The following APP variants were observed in gnomAD, a reference collection of about 807,000 sequenced individuals.
The protein encoded by APP is amyloid beta precursor protein, also known as amyloid-beta precursor protein.
A neutral mutation model predicts 101.4 loss-of-function variants in APP; 31 were observed. The observed-to-expected ratio is 0.31, with a 90% CI of 0.23 to 0.41. The LOEUF is 0.41. Among genes scored for constraint, APP ranks in the 10% least tolerant of loss-of-function variants. APP has a pLI of 1.00. For missense variants in APP, 839 were observed against 1,003.7 expected, an observed-to-expected ratio of 0.84 and a Z score of 2.22; for synonymous variants, 366 against 364.4, an observed-to-expected ratio of 1.00 and a Z score of -0.05.
At chr21:25,984,565 A>C (rs1476610012) in intron 8 of APP, among the ~76,000 whole-genome samples, 7 of 152,210 alleles carry the variant, frequency 4.6e-5, no homozygotes, top group Non-Finnish European at 8.8e-5. Flanking sequence ...TTTTTAACTT[A>C]ATCATTAAGT....
At chr21:26,151,479 T>C (rs764981272) in intron 1 of APP, among the ~76,000 whole-genome samples, 4 of 152,134 alleles carry the variant, frequency 2.6e-5, no homozygotes, top group South Asian at 4.1e-4. Context: ...TGTACGTTCA[T>C]TACCTTTTTT....
rs58816061 is a variant in APP at position 26,163,239 on chromosome 21, CAAAAAAAAAAA to C, written c.57+7314_57+7324del. On this transcript the variant is annotated intron_variant, in intron 1 of 17. Coordinates refer to ENST00000346798, the MANE Select transcript of APP (RefSeq NM_000484.4). Reference sequence around the variant, plus strand: ...TGGGTGACACAGTAAAACTCAGTCTCAAAAAAAAAAAAAAAAAAAAAAAAAAAAATCACCAA... The same window carrying C: ...TGGGTGACACAGTAAAACTCAGTCTCAAAAAAAAAAAAAAAAAATCACCAA... 2.2e-4 allele frequency among the ~76,000 whole-genome samples: 13 copies of C among 58,834 alleles called. 1 individual carries two copies. The highest frequency in any genetic ancestry group is 6.3e-4 in the African/African-American group (9 of 14,274). 38.6% of individuals were successfully genotyped at this position (58,834 alleles called of 152,430 possible). A position where few individuals can be genotyped will look rare whatever the true frequency, so the allele number is the denominator to read the frequency against.
At chr21:26,057,769 T>A (rs372520297) in intron 3 of APP, among the ~76,000 whole-genome samples, 5 of 152,212 alleles carry the variant, frequency 3.3e-5, no homozygotes, top group African/African-American at 1.2e-4. Context: ...CAGTTCTCCA[T>A]CCAAGAGTGG....
At chr21:25,923,416 A>C (rs1282551971) in intron 13 of APP, among the ~76,000 whole-genome samples, 1 of 142,528 alleles carries the variant, frequency 7.0e-6, no homozygotes, top group Non-Finnish European at 1.5e-5. Context: ...TGCACAGCAA[A>C]AGAAACTACC....
At chr21:25,955,515 T>C (rs1263166237) in intron 12 of APP, 112 bp downstream of exon 12, 4 of 1,490,306 alleles carry the variant, frequency 2.7e-6, no homozygotes, top group Non-Finnish European at 3.7e-6. Flanking sequence ...GCTCTTGCCA[T>C]AGGGAAAACA....
chr21:26,170,534 TC>T (rs1394577509), intron 1 of APP, 29 bp downstream of exon 1: 7 of 1,534,652 alleles, frequency 4.6e-6, no homozygotes, highest in Non-Finnish European at 2.6e-6. Flanking sequence ...CCGTGCAGCC[TC>T]CCCCCGCCTT....
At chr21:26,010,820 C>CA (rs58036272) in intron 6 of APP, among the ~76,000 whole-genome samples, 11,042 of 54,842 alleles carry the variant, frequency 0.2, 2,117 homozygotes, top group South Asian at 0.24. Flanking sequence ...GACTTCGTCT[C>CA]AAAAAAAAAA....
intron 3 of APP, among the ~76,000 whole-genome samples, chr21:26,081,186 C>T (rs1373378572): frequency 6.6e-6 from 1 of 152,150 alleles, no homozygotes; most frequent in Non-Finnish European, 1.5e-5. Flanking sequence ...ACTAATACTA[C>T]CACCATTAAT....
chr21:26,029,483 T>C (rs779725925), intron 5 of APP, among the ~76,000 whole-genome samples: 2 of 143,372 alleles, frequency 1.4e-5, no homozygotes, highest in Non-Finnish European at 3.0e-5. Flanking sequence ...GAGGCAGAGA[T>C]TCCAGGTGTC....
At chr21:26,120,994 G>A (rs1368739990) in intron 1 of APP, among the ~76,000 whole-genome samples, 2 of 151,986 alleles carry the variant, frequency 1.3e-5, no homozygotes, top group Non-Finnish European at 2.9e-5. Context: ...GTAGGCTCCC[G>A]CCCAGCCCTC....
At chr21:26,033,417 T>C (rs113025457) in intron 5 of APP, among the ~76,000 whole-genome samples, 2,189 of 152,340 alleles carry the variant, frequency 0.014, 47 homozygotes, top group African/African-American at 0.05. Flanking sequence ...CATGCAGAAC[T>C]GTGAGTCAAT....
At chr21:26,140,141 G>A in intron 1 of APP, 1 of 1,506,754 alleles carries the variant, frequency 6.6e-7, no homozygotes, top group Non-Finnish European at 8.9e-7. Context: ...CAACTTCACA[G>A]TACTCACTTA....
At chr21:25,895,110 CT>C (rs142828503) in intron 16 of APP, among the ~76,000 whole-genome samples, 2,223 of 142,498 alleles carry the variant, frequency 0.016, 13 homozygotes, top group African/African-American at 0.023. Context: ...ATATACATGG[CT>C]TTTTTTTTTT....
At chr21:25,970,310 G>T (rs2041981651) in intron 11 of APP, among the ~76,000 whole-genome samples, 1 of 152,088 alleles carries the variant, frequency 6.6e-6, no homozygotes, top group Non-Finnish European at 1.5e-5. Flanking sequence ...TAAACTGAGA[G>T]TTTAAATGTA....
chr21:25,994,364 C>T (rs1038312533), intron 8 of APP, among the ~76,000 whole-genome samples: 8 of 151,622 alleles, frequency 5.3e-5, no homozygotes, highest in Non-Finnish European at 1.2e-4. Flanking sequence ...CCTATGTTCA[C>T]GAATAAAATG....
chr21:26,144,998 T>C (rs1463482287), intron 1 of APP, among the ~76,000 whole-genome samples: 1 of 152,144 alleles, frequency 6.6e-6, no homozygotes, highest in Admixed American at 6.5e-5. Flanking sequence ...TAAAACGTTC[T>C]TTTCAACTTT....
intron 13 of APP, among the ~76,000 whole-genome samples, chr21:25,947,010 T>A (rs1418388288): frequency 6.6e-6 from 1 of 152,238 alleles, no homozygotes; most frequent in East Asian, 1.9e-4. Flanking sequence ...AGTGTATTCT[T>A]TTTAATGTAG....
chr21:26,076,489 A>T (rs2061499297), intron 3 of APP, among the ~76,000 whole-genome samples: 1 of 152,220 alleles, frequency 6.6e-6, no homozygotes, highest in Non-Finnish European at 1.5e-5. Context: ...ACGTGTCACT[A>T]AAGGAGTGAA....
At chr21:26,131,461 T>C (rs1414002433) in intron 1 of APP, among the ~76,000 whole-genome samples, 6 of 152,182 alleles carry the variant, frequency 3.9e-5, no homozygotes, top group Non-Finnish European at 7.3e-5. Flanking sequence ...ACTCATATAT[T>C]TGTTGGCTCT....
Sources: gnomAD v4.1 joint callset for allele counts (sites outside exome capture counted in the v4.1 genomes callset) on GRCh38, gnomAD v4.1.1 for gene constraint, MANE v1.5 for transcripts, NCBI Gene and HGNC (gene_info 2026-07-23, HGNC 2026-07-21) for gene names.